Variants in TBXAS1 observed in about 807,000 individuals in gnomAD.
The protein encoded by TBXAS1 is thromboxane-A synthase.
In TBXAS1, 48 loss-of-function variants were observed where a neutral mutation model predicts 60.7. The observed-to-expected ratio is 0.79, with a 90% CI of 0.63 to 1.01. The LOEUF (loss-of-function observed/expected upper bound fraction) is 1.01. Among genes scored for constraint, TBXAS1 ranks in the 50% least tolerant of loss-of-function variants. The probability of loss-of-function intolerance (pLI) is 0.00; values close to 1 mark genes in which losing one functional copy is unlikely to be tolerated. For missense variants in TBXAS1, 685 were observed against 686.3 expected (o/e 1.00, Z 0.02); for synonymous variants, 287 against 269.7 (o/e 1.06, Z -0.63).
chr7:139,814,693 A>G (rs1350325418), intron 4 of TBXAS1, among the ~76,000 whole-genome samples: 2 of 152,182 alleles, frequency 1.3e-5, no homozygotes, highest in African/African-American at 2.4e-5. Context: ...TGAGCTCCCC[A>G]GAATTGGAGG....
rs879825897 is a variant in TBXAS1 at position 139,809,361 on chromosome 7, TAGATAGAC to T, written c.-79-19947_-79-19940del. On this transcript the variant is annotated intron_variant, in intron 4 of 16. Transcript: ENST00000336425. ...ATAGATAGATAGATAGATAGATAGA[TAGATAGAC>T]AGACAGAACCAACAGGAGATAGATA... Among the ~76,000 whole-genome samples, 578 of 146,648 alleles carry T rather than the reference TAGATAGAC, an allele frequency of 3.9e-3. 2 individuals carry two copies. The highest frequency in any genetic ancestry group is 6.1e-3 in the African/African-American group (235 of 38,378).
rs138145899 is a variant in TBXAS1 at position 139,892,525 on chromosome 7, G to A, written c.236+16888G>A. Among the ~76,000 whole-genome samples, 1,389 of 152,200 alleles carry A rather than the reference G, an allele frequency of 9.1e-3. 22 individuals are homozygous for A. The highest frequency in any genetic ancestry group is 0.024 in the African/African-American group (978 of 41,546). The stretch of plus-strand genomic sequence containing the variant: ...GGAGAATAGCTTGAACCTGGGAGGC[G>A]GAGGTTGCAGTGAGCTGAGATCATG... On this transcript the variant is annotated intron_variant, in intron 3 of 12. Coordinates refer to ENST00000448866, the MANE Select transcript of TBXAS1 (RefSeq NM_001061.7).
rs1554466810 is a variant in TBXAS1 at position 139,809,233 on chromosome 7, T to TAGATGATAGATAGATA, written c.-79-20079_-79-20078insAGATGATAGATAGATA. On this transcript the variant is annotated intron_variant, in intron 4 of 16. Transcript: ENST00000336425. ...ATAGATAGATAGATAGATAGATAGA[T>TAGATGATAGATAGATA]GATAGATAGATAGATAGATAGATAG... is the stretch of plus-strand genomic sequence containing the variant. Among the ~76,000 whole-genome samples, 932 of 130,934 alleles carry TAGATGATAGATAGATA rather than the reference T, an allele frequency of 7.1e-3. 5 individuals carry two copies. Among genetic ancestry groups the TAGATGATAGATAGATA allele is most frequent in the Middle Eastern group, 0.015 (4 of 268 alleles). 85.9% of individuals were successfully genotyped at this position (130,934 alleles called of 152,430 possible). A position where few individuals can be genotyped will look rare whatever the true frequency, so the allele number is the denominator to read the frequency against.
chr7:139,969,722 TG>T (rs1036365355), intron 9 of TBXAS1, among the ~76,000 whole-genome samples: 2 of 152,194 alleles, frequency 1.3e-5, no homozygotes, highest in African/African-American at 2.4e-5. Flanking sequence ...CCAGGTCTGC[TG>T]GGGTCGGGCT....
At chr7:139,947,536 C>G (rs1388385085) in intron 5 of TBXAS1, among the ~76,000 whole-genome samples, 1 of 152,218 alleles carries the variant, frequency 6.6e-6, no homozygotes, top group Non-Finnish European at 1.5e-5. Context: ...GCATGTCCTG[C>G]ACATGTATCC....
chr7:139,994,579 A>C (rs1056227275), intron 9 of TBXAS1, among the ~76,000 whole-genome samples: 1 of 151,946 alleles, frequency 6.6e-6, no homozygotes, highest in Non-Finnish European at 1.5e-5. Context: ...AAATGGACCG[A>C]GTGGGCAATA....
chr7:139,866,963 C>T lies in TBXAS1; in HGVS notation c.90-5272C>T, dbSNP rs57647948. On this transcript the variant is annotated intron_variant, in intron 1 of 12. Transcript: ENST00000448866. Reference sequence around the variant, plus strand: ...CTTGGAAAGCCAGCAAACCTCACACCCTGCTTCCATTTCTTAACAAAACGT... The same window carrying T: ...CTTGGAAAGCCAGCAAACCTCACACTCTGCTTCCATTTCTTAACAAAACGT... Among the ~76,000 whole-genome samples the T allele has an allele frequency of 7.6e-3, 1,165 of 152,294 alleles. 20 individuals are homozygous for T. Among genetic ancestry groups the T allele is most frequent in the African/African-American group, 0.027 (1,103 of 41,554 alleles).
At chr7:139,954,592 C>T (rs1200561614) in intron 6 of TBXAS1, among the ~76,000 whole-genome samples, 1 of 152,202 alleles carries the variant, frequency 6.6e-6, no homozygotes, top group Non-Finnish European at 1.5e-5. Flanking sequence ...TGTGTGCCTA[C>T]ATTGAGAACA....
intron 9 of TBXAS1, among the ~76,000 whole-genome samples, chr7:139,988,196 G>T (rs8192853): frequency 0.016 from 2,408 of 152,314 alleles, 93 homozygotes; most frequent in East Asian, 0.14. Flanking sequence ...TTAAACTCAG[G>T]GGAATTCCGC....
At chr7:139,849,565 G>C (rs6651089) in intron 1 of TBXAS1, among the ~76,000 whole-genome samples, 11,536 of 152,052 alleles carry the variant, frequency 0.076, 1,160 homozygotes, top group African/African-American at 0.23. Flanking sequence ...GGCCAGGTTG[G>C]TCCTGGGCCG....
At chr7:139,844,401 A>C (rs1231538251) in intron 1 of TBXAS1, among the ~76,000 whole-genome samples, 2 of 152,218 alleles carry the variant, frequency 1.3e-5, no homozygotes, top group Non-Finnish European at 2.9e-5. Flanking sequence ...TGTATATTTA[A>C]GTAATGATTG....
intron 8 of TBXAS1, among the ~76,000 whole-genome samples, chr7:139,960,096 AT>A (rs1810210367): frequency 3.3e-5 from 5 of 152,156 alleles, no homozygotes. Flanking sequence ...TTTCTCAGCT[AT>A]TACAACCCAG....
chr7:139,781,705 G>A (rs1045917845), intron 2 of TBXAS1, among the ~76,000 whole-genome samples: 4 of 151,808 alleles, frequency 2.6e-5, no homozygotes, highest in East Asian at 3.9e-4. Context: ...CGTGGCGGTG[G>A]GCACCTGTAA....
chr7:139,951,429 G>T (rs762221896), intron 5 of TBXAS1, among the ~76,000 whole-genome samples: 16 of 151,522 alleles, frequency 1.1e-4, no homozygotes, highest in Non-Finnish European at 2.4e-4. Context: ...GGCAGGAGGG[G>T]TGTATGCAAG....
chr7:139,976,832 T>C (rs927601230), intron 9 of TBXAS1, among the ~76,000 whole-genome samples: 2 of 152,110 alleles, frequency 1.3e-5, no homozygotes, highest in African/African-American at 4.8e-5. Context: ...TGGGTTGCAT[T>C]ATCAATGGCA....
intron 10 of TBXAS1, among the ~76,000 whole-genome samples, chr7:140,012,044 C>A (rs998782016): frequency 1.1e-4 from 17 of 152,190 alleles, no homozygotes; most frequent in African/African-American, 3.6e-4. Context: ...GGATTCCAGG[C>A]ACGTGGGAGT....
intron 3 of TBXAS1, among the ~76,000 whole-genome samples, chr7:139,904,989 CTCTTTCTCTCTTTCTCTCTTTCTT>C (rs1379998633): frequency 1.0e-4 from 13 of 128,808 alleles, no homozygotes; most frequent in African/African-American, 4.0e-4. Flanking sequence ...TTCTCTTTCT[CTCTTTCTCTCTTTCTCTCTTTCTT>C]TCTTTCTTTC....
At chr7:139,874,638 T>G (rs1376557389) in intron 2 of TBXAS1, among the ~76,000 whole-genome samples, 1 of 152,130 alleles carries the variant, frequency 6.6e-6, no homozygotes, top group Non-Finnish European at 1.5e-5. Context: ...CCACCCCTTA[T>G]GTATCCACCC....
intron 6 of TBXAS1, among the ~76,000 whole-genome samples, chr7:139,954,879 A>G (rs1055094033): frequency 6.6e-6 from 1 of 152,200 alleles, no homozygotes; most frequent in African/African-American, 2.4e-5. Flanking sequence ...TCTTGTGTTT[A>G]TTTGAGTGCT....
Sources: gnomAD v4.1 joint callset for allele counts (sites outside exome capture counted in the v4.1 genomes callset) on GRCh38, gnomAD v4.1.1 for gene constraint, MANE v1.5 for transcripts, NCBI Gene and HGNC (gene_info 2026-07-23, HGNC 2026-07-21) for gene names.